The following FOCAD variants were observed in gnomAD, a reference collection of about 807,000 sequenced individuals.
FOCAD encodes focadhesin.
Under a neutral mutation model 225.6 loss-of-function variants are expected in FOCAD, and 198 were observed. The ratio of observed to expected loss-of-function variants is 0.88; its 90% CI spans 0.78 to 0.99. The LOEUF is 0.99. Ranked by LOEUF, FOCAD falls within the 50% of genes least tolerant of loss-of-function variation. The pLI, the probability that FOCAD is intolerant of heterozygous loss-of-function variation, is 0.00. For missense variants in FOCAD, 2,713 were observed against 2,123.6 expected (o/e 1.28, Z -5.46); for synonymous variants, 897 against 755.0 (o/e 1.19, Z -3.08).
intron 4 of FOCAD, among the ~76,000 whole-genome samples, chr9:20,722,044 C>T (rs1825829058): frequency 7.6e-6 from 1 of 130,992 alleles, no homozygotes. Context: ...CCCTCTCTCT[C>T]TCTTTCTCTC....
At chr9:20,952,446 TCAC>T (rs1837769283) in intron 34 of FOCAD, 1 of 152,526 alleles carries the variant, frequency 6.6e-6, no homozygotes, top group African/African-American at 2.4e-5. Flanking sequence ...TGTCACTGCT[TCAC>T]CATTCCAGCT....
intron 35 of FOCAD, among the ~76,000 whole-genome samples, chr9:20,965,297 A>G (rs983256087): frequency 3.3e-5 from 5 of 152,140 alleles, no homozygotes; most frequent in Non-Finnish European, 4.4e-5. Flanking sequence ...CCAGAAAGCA[A>G]TGATTCTGAC....
chr9:20,993,730 G>C (rs925704832), intron 43 of FOCAD, among the ~76,000 whole-genome samples: 1 of 152,132 alleles, frequency 6.6e-6, no homozygotes, highest in African/African-American at 2.4e-5. Context: ...TTTTAGATTA[G>C]GGATGCTCAG....
Position 20,988,366 on chromosome 9 carries a change from G to T in FOCAD, c.4941G>T (p.Leu1647=). The T allele has an allele frequency of 6.2e-7, 1 of 1,611,962 alleles. No homozygotes were observed. Among genetic ancestry groups the T allele is most frequent in the Non-Finnish European group, 8.5e-7 (1 of 1,178,922 alleles). Residue 1647 remains leucine, a synonymous_variant, in exon 41 of 44, where the codon CTG becomes CTT. Transcript: ENST00000338382. ...VLKRMEWLLE[L]MGYIRNVAYQ... Reference sequence around the variant, plus strand: ...AGAGAATGGAGTGGCTCTTGGAACTGATGGGTTATATTAGAAATGTTGCTT... The same window carrying T: ...AGAGAATGGAGTGGCTCTTGGAACTTATGGGTTATATTAGAAATGTTGCTT...
intron 4 of FOCAD, among the ~76,000 whole-genome samples, chr9:20,733,010 C>T (rs376851374): frequency 1.3e-5 from 2 of 152,012 alleles, no homozygotes; most frequent in African/African-American, 4.8e-5. Context: ...CTGGATATGC[C>T]TTTTTTTGTT....
rs369187873 is a variant in FOCAD at position 20,855,794 on chromosome 9, CTTT to C, written c.1921-6768_1921-6766del. On this transcript the variant is annotated intron_variant, in intron 15 of 43. Transcript: ENST00000338382. ...TTAACCATCATTTTACCCCTATATT[CTTT>C]TTTTTTTTTTTTTTTAACACTTCCA... 6.6e-3 allele frequency among the ~76,000 whole-genome samples: 867 copies of C among 131,806 alleles called. 12 individuals carry two copies. Among genetic ancestry groups the C allele is most frequent in the African/African-American group, 0.023 (823 of 36,124 alleles). The allele number at this position is 131,806 out of a possible 152,430, so 86.5% of individuals were successfully genotyped here. A position where few individuals can be genotyped will look rare whatever the true frequency, so the allele number is the denominator to read the frequency against.
intron 16 of FOCAD, among the ~76,000 whole-genome samples, chr9:20,865,263 A>T (rs1829124738): frequency 6.6e-6 from 1 of 152,106 alleles, no homozygotes; most frequent in South Asian, 2.1e-4. Context: ...TTGGAACTGG[A>T]AGAATTAATA....
intron 11 of FOCAD, among the ~76,000 whole-genome samples, chr9:20,808,681 C>G (rs1209691570): frequency 6.6e-6 from 1 of 152,060 alleles, no homozygotes; most frequent in Admixed American, 6.5e-5. Context: ...AGGGGAGAAG[C>G]ATGATTAGAC....
At chr9:20,944,813 CTT>C in intron 29 of FOCAD, 39 bp downstream of exon 29, 1 of 1,558,972 alleles carries the variant, frequency 6.4e-7, no homozygotes. Flanking sequence ...CCTCTGCTCT[CTT>C]TTGTTTTCTT....
At chr9:20,939,842 T>A (rs1357836836) in intron 28 of FOCAD, among the ~76,000 whole-genome samples, 1 of 151,872 alleles carries the variant, frequency 6.6e-6, no homozygotes, top group East Asian at 1.9e-4. Flanking sequence ...CATGTTGGTG[T>A]GCTGCACCCA....
At chr9:20,709,785 G>C (rs754855532) in intron 1 of FOCAD, among the ~76,000 whole-genome samples, 11 of 152,196 alleles carry the variant, frequency 7.2e-5, no homozygotes, top group Non-Finnish European at 1.2e-4. Flanking sequence ...GAAAGGTAAA[G>C]TTACTATAGA....
At chr9:20,738,637 C>T (rs926863354) in intron 4 of FOCAD, among the ~76,000 whole-genome samples, 5 of 152,158 alleles carry the variant, frequency 3.3e-5, no homozygotes, top group African/African-American at 1.2e-4. Flanking sequence ...AGAAAACATA[C>T]CACTGTAGAT....
chr9:20,788,278 T>C (rs907347998), intron 10 of FOCAD, among the ~76,000 whole-genome samples: 2 of 152,142 alleles, frequency 1.3e-5, no homozygotes, highest in African/African-American at 2.4e-5. Flanking sequence ...AGTAGATTAG[T>C]TGTTGCCAAG....
At chr9:20,784,933 T>G (rs1266875996) in intron 10 of FOCAD, among the ~76,000 whole-genome samples, 1 of 152,008 alleles carries the variant, frequency 6.6e-6, no homozygotes, top group African/African-American at 2.4e-5. Context: ...TTTCTTTCTT[T>G]TTTTTTTTAA....
At position 20,946,609 on chromosome 9, in the gene FOCAD, G is replaced by C. The variant is rs796913868; in HGVS notation, c.3556-92G>C. 1.6e-5 allele frequency: 22 copies of C among 1,384,596 alleles called. No individual in the cohort carries two copies. In the African/African-American group the frequency reaches 3.1e-4, roughly 19 times the overall value. 85.8% of individuals were successfully genotyped at this position (1,384,596 alleles called of 1,614,324 possible). On this transcript the variant is annotated intron_variant, in intron 29 of 43. Coordinates refer to ENST00000338382, the MANE Select transcript of FOCAD (RefSeq NM_001375567.1). ...GTATGTGAATCCAATTCTTACTCTG[G>C]GGGGGAGTTTGACAGAATATCTTGT...
At chr9:20,886,090 T>C (rs1044867288) in intron 21 of FOCAD, among the ~76,000 whole-genome samples, 1 of 152,216 alleles carries the variant, frequency 6.6e-6, no homozygotes, top group Non-Finnish European at 1.5e-5. Flanking sequence ...TCACACCAAT[T>C]GCCACCAGTT....
At chr9:20,788,632 T>C (rs1310400681) in intron 10 of FOCAD, among the ~76,000 whole-genome samples, 10 of 152,224 alleles carry the variant, frequency 6.6e-5, no homozygotes, top group Admixed American at 6.5e-4. Flanking sequence ...TTGAGTTACT[T>C]TATTAGCAAG....
Position 20,770,204 on chromosome 9 carries a change from A to G in FOCAD, c.872A>G (p.His291Arg), listed in dbSNP as rs767047526. The G allele has an allele frequency of 5.0e-6, 8 of 1,613,852 alleles. No individual in the cohort carries two copies. Among genetic ancestry groups the G allele is most frequent in the South Asian group, 4.4e-5 (4 of 91,086 alleles). Residue 291 changes from histidine (H) to arginine (R), a missense_variant, in exon 8 of 44, where the codon CAC becomes CGC. His to Arg is a conservative substitution (Grantham distance 29). Transcript: ENST00000338382. Reference protein sequence around the residue: ...KITGECSSSIHLLEHSVELLK... With the variant: ...KITGECSSSIRLLEHSVELLK... ...ACTGGTGAATGTTCATCTTCAATTCACCTTTTAGAGCACAGTGTTGAACTT... is the reference window on the plus strand; with the variant it reads ...ACTGGTGAATGTTCATCTTCAATTCGCCTTTTAGAGCACAGTGTTGAACTT...
chr9:20,721,979 CCTTCCCTCCCTCCCT>C (rs1436522048), intron 4 of FOCAD, among the ~76,000 whole-genome samples: 1 of 21,994 alleles, frequency 4.5e-5, no homozygotes, highest in Admixed American at 3.2e-4. Context: ...TTTCTCCCCT[CCTTCCCTCCCTCCCT>C]CCCTCCCTCC....
Sources: gnomAD v4.1 joint callset for allele counts (sites outside exome capture counted in the v4.1 genomes callset) on GRCh38, gnomAD v4.1.1 for gene constraint, MANE v1.5 for transcripts, NCBI Gene and HGNC (gene_info 2026-07-23, HGNC 2026-07-21) for gene names.